The following CNTNAP2 variants were observed in gnomAD, a reference collection of about 807,000 sequenced individuals.
CNTNAP2 encodes the protein contactin associated protein 2, also known as contactin-associated protein-like 2.
CNTNAP2 carries 98 observed loss-of-function variants against 155.2 expected under a neutral mutation model. That is an observed-to-expected ratio of 0.63 (90% CI 0.54 to 0.75). CNTNAP2 has a LOEUF of 0.75. Among genes scored for constraint, CNTNAP2 ranks in the 30% least tolerant of loss-of-function variants. CNTNAP2 has a pLI of 0.00. For synonymous variants in CNTNAP2, 651 were observed against 631.2 expected (o/e 1.03, Z -0.47); for missense variants, 1,727 against 1,688.1 (o/e 1.02, Z -0.40).
At chr7:148,322,850 A>G (rs1300477541) in intron 21 of CNTNAP2, among the ~76,000 whole-genome samples, 2 of 137,584 alleles carry the variant, frequency 1.5e-5, no homozygotes, top group Non-Finnish European at 3.1e-5. Context: ...TTCAGGGACT[A>G]CCTTTCCCCA....
At chr7:147,891,761 A>G (rs954174388) in intron 13 of CNTNAP2, among the ~76,000 whole-genome samples, 7 of 152,180 alleles carry the variant, frequency 4.6e-5, no homozygotes, top group African/African-American at 1.7e-4. Flanking sequence ...ATACTAAATT[A>G]TATGAGCCTC....
At chr7:146,942,386 A>G (rs1317386585) in intron 3 of CNTNAP2, among the ~76,000 whole-genome samples, 1 of 152,152 alleles carries the variant, frequency 6.6e-6, no homozygotes, top group Non-Finnish European at 1.5e-5. Context: ...CAAATAAATG[A>G]CATTACAGTT....
Position 146,183,612 on chromosome 7 carries a change from T to TAATAATA in CNTNAP2, c.97+66641_97+66647dup, listed in dbSNP as rs1251606989. On this transcript the variant is annotated intron_variant, in intron 1 of 23. Transcript: ENST00000361727. ...GGAGAATTTATCACCACACAAATAATAATAATAATAATAATAATAATAATA... is the reference window on the plus strand; with the variant it reads ...GGAGAATTTATCACCACACAAATAATAATAATAAATAATAATAATAATAATAATAATA... Among the ~76,000 whole-genome samples the TAATAATA allele has an allele frequency of 3.5e-4, 51 of 146,444 alleles. No individual in the cohort carries two copies. In the East Asian group the frequency reaches 3.5e-3, roughly 10 times the overall value.
At chr7:147,451,582 C>T (rs755418064) in intron 10 of CNTNAP2, among the ~76,000 whole-genome samples, 1 of 151,998 alleles carries the variant, frequency 6.6e-6, no homozygotes, top group East Asian at 1.9e-4. Flanking sequence ...CTCAAGATCA[C>T]GTAGCTAGAA....
chr7:146,539,403 C>A (rs1427071951), intron 1 of CNTNAP2, among the ~76,000 whole-genome samples: 5 of 151,868 alleles, frequency 3.3e-5, no homozygotes, highest in Non-Finnish European at 7.4e-5. Flanking sequence ...AAAAAACCAA[C>A]CCATCCAAGC....
At chr7:146,576,604 G>A (rs866807567) in intron 1 of CNTNAP2, among the ~76,000 whole-genome samples, 10 of 152,262 alleles carry the variant, frequency 6.6e-5, no homozygotes, top group Non-Finnish European at 7.4e-5. Flanking sequence ...GTAACTCACC[G>A]TTTTGTCACC....
At chr7:147,138,734 C>T (rs1430920904) in intron 8 of CNTNAP2, among the ~76,000 whole-genome samples, 1 of 151,924 alleles carries the variant, frequency 6.6e-6, no homozygotes. Context: ...AATCACACTC[C>T]AGGACACCAT....
chr7:148,100,569 A>G (rs1204155383), intron 15 of CNTNAP2, among the ~76,000 whole-genome samples: 2 of 152,234 alleles, frequency 1.3e-5, no homozygotes, highest in Non-Finnish European at 2.9e-5. Flanking sequence ...ACTATAATAA[A>G]ATGGAGCTGT....
chr7:146,145,335 C>T (rs1038802355), intron 1 of CNTNAP2, among the ~76,000 whole-genome samples: 7 of 152,146 alleles, frequency 4.6e-5, no homozygotes, highest in Non-Finnish European at 8.8e-5. Flanking sequence ...TGGCACCTGG[C>T]CTCTCTTACT....
At chr7:147,757,177 G>A (rs1797223889) in intron 13 of CNTNAP2, among the ~76,000 whole-genome samples, 1 of 152,140 alleles carries the variant, frequency 6.6e-6, no homozygotes, top group Admixed American at 6.5e-5. Flanking sequence ...TGTAATGATG[G>A]CAGCTGCTTT....
chr7:147,209,415 A>G (rs1162272992), intron 8 of CNTNAP2, among the ~76,000 whole-genome samples: 1 of 151,954 alleles, frequency 6.6e-6, no homozygotes, highest in Non-Finnish European at 1.5e-5. Context: ...GCTATATAGA[A>G]ATGCTACTGA....
chr7:146,491,123 A>C (rs1422077528), intron 1 of CNTNAP2, among the ~76,000 whole-genome samples: 1 of 152,214 alleles, frequency 6.6e-6, no homozygotes, highest in African/African-American at 2.4e-5. Context: ...AGCAAACAAA[A>C]AACCCAAAGA....
chr7:147,728,586 G>A (rs1215042693), intron 13 of CNTNAP2, among the ~76,000 whole-genome samples: 3 of 151,860 alleles, frequency 2.0e-5, no homozygotes, highest in Non-Finnish European at 4.4e-5. Context: ...CTTTTTTCAT[G>A]TTTCTAGTTA....
intron 10 of CNTNAP2, among the ~76,000 whole-genome samples, chr7:147,471,605 A>T (rs911185024): frequency 3.2e-4 from 48 of 152,302 alleles, no homozygotes; most frequent in African/African-American, 7.5e-4. Context: ...AAAATATTTT[A>T]AAAAAAGAAA....
rs1258865387 is a variant in CNTNAP2, at chr7:147,903,584, G to A, written c.2118G>A (p.Trp706Ter). The A allele has an allele frequency of 6.2e-7, 1 of 1,614,142 alleles. No homozygotes were observed. The highest frequency in any genetic ancestry group is 8.5e-7 in the Non-Finnish European group (1 of 1,180,012). The change falls in exon 14 of 24, where the codon TGG becomes TGA. Residue 706 changes from tryptophan to a stop codon, truncating the protein, a stop_gained. Transcript: ENST00000361727. LOFTEE classifies it high-confidence loss of function. ...TTGTAGATGGAAGCCCTTACACTTG[G>A]TGGGTTGGCAAAGCCAACGAGAAGC... ...LNTPDGSPYT[W>*]WVGKANEKHY...
chr7:147,546,371 C>T (rs1343382963), intron 11 of CNTNAP2, among the ~76,000 whole-genome samples: 1 of 152,114 alleles, frequency 6.6e-6, no homozygotes, highest in Non-Finnish European at 1.5e-5. Flanking sequence ...AGTGAAGTTA[C>T]TTACTGTTTA....
At position 146,415,447 on chromosome 7, in the gene CNTNAP2, G is replaced by A. The variant is rs536555545; in HGVS notation, c.97+298474G>A. ...TAATTTACTTCAAAAAAATCTTTATGTGTATTTACAAAAATAGTACAGCTA... is the reference window on the plus strand; with the variant it reads ...TAATTTACTTCAAAAAAATCTTTATATGTATTTACAAAAATAGTACAGCTA... On this transcript the variant is annotated intron_variant, in intron 1 of 23. Transcript: ENST00000361727. 2.0e-5 allele frequency among the ~76,000 whole-genome samples: 3 copies of A among 152,162 alleles called. No homozygotes were observed. In the South Asian group the frequency reaches 6.2e-4, roughly 32 times the overall value.
At chr7:147,608,373 A>G (rs1801113512) in intron 12 of CNTNAP2, among the ~76,000 whole-genome samples, 1 of 128,706 alleles carries the variant, frequency 7.8e-6, no homozygotes, top group Non-Finnish European at 1.6e-5. Context: ...TTATTGTTTT[A>G]CCTGTAAAAA....
intron 15 of CNTNAP2, among the ~76,000 whole-genome samples, chr7:148,009,777 G>A (rs776079154): frequency 1.9e-4 from 29 of 151,958 alleles, no homozygotes; most frequent in South Asian, 6.2e-4. Context: ...TGCAGTCACC[G>A]TTTATTTCTT....
Sources: allele counts gnomAD v4.1 joint callset (sites outside exome capture counted in the v4.1 genomes callset), GRCh38; gene constraint gnomAD v4.1.1; transcripts MANE v1.5; gene names NCBI Gene and HGNC (gene_info 2026-07-23, HGNC 2026-07-21).